The following RBFOX1 variants were observed in gnomAD, a reference collection of about 807,000 sequenced individuals.
RBFOX1 encodes the protein RNA binding fox-1 homolog 1.
RBFOX1 carries 8 observed loss-of-function variants against 57.7 expected under a neutral mutation model. The ratio of observed to expected loss-of-function variants is 0.14; its 90% CI spans 0.08 to 0.25. The LOEUF (loss-of-function observed/expected upper bound fraction) is 0.25, where lower values mean the gene tolerates loss of function less well. Ranked by LOEUF, RBFOX1 falls within the 10% of genes least tolerant of loss-of-function variation. RBFOX1 has a pLI of 1.00. For synonymous variants in RBFOX1, 326 were observed against 222.4 expected, an observed-to-expected ratio of 1.47 and a Z score of -4.15; for missense variants, 611 against 548.5, an observed-to-expected ratio of 1.11 and a Z score of -1.14.
At chr16:7,181,798 C>T (rs749747733) in intron 4 of RBFOX1, among the ~76,000 whole-genome samples, 2 of 152,046 alleles carry the variant, frequency 1.3e-5, no homozygotes, top group African/African-American at 2.4e-5. Context: ...TGAGCTCAAG[C>T]GATCTGCCCA....
chr16:7,690,547 G>T (rs2077094689), intron 14 of RBFOX1, among the ~76,000 whole-genome samples: 1 of 152,062 alleles, frequency 6.6e-6, no homozygotes, highest in Non-Finnish European at 1.5e-5. Flanking sequence ...TAAATTCACG[G>T]GTCTGTGTTG....
At chr16:5,253,979 C>G (rs1465281414) in intron 1 of RBFOX1, among the ~76,000 whole-genome samples, 1 of 133,224 alleles carries the variant, frequency 7.5e-6, no homozygotes, top group African/African-American at 2.9e-5. Flanking sequence ...AGGTACCTCT[C>G]TGTGGTAGAC....
chr16:6,774,910 G>T (rs568501569), intron 3 of RBFOX1, among the ~76,000 whole-genome samples: 1 of 152,158 alleles, frequency 6.6e-6, no homozygotes, highest in South Asian at 2.1e-4. Context: ...TAACCCCATT[G>T]AGTAGTGGCT....
chr16:7,470,720 A>T (rs1036029166), intron 4 of RBFOX1, among the ~76,000 whole-genome samples: 1 of 152,028 alleles, frequency 6.6e-6, no homozygotes, highest in African/African-American at 2.4e-5. Flanking sequence ...GGAAAGATGA[A>T]TATATCCAGA....
intron 4 of RBFOX1, among the ~76,000 whole-genome samples, chr16:7,078,803 C>T (rs1337793134): frequency 6.6e-6 from 1 of 150,498 alleles, no homozygotes; most frequent in African/African-American, 2.4e-5. Flanking sequence ...CTGCCTCATC[C>T]TCCCGAGTAG....
intron 2 of RBFOX1, among the ~76,000 whole-genome samples, chr16:5,567,590 G>A (rs2046115730): frequency 7.5e-6 from 1 of 133,606 alleles, no homozygotes; most frequent in Non-Finnish European, 1.5e-5. Context: ...GTGAATGGAG[G>A]AGAAGCCAGC....
At chr16:6,210,624 A>C (rs2097290121) in intron 1 of RBFOX1, among the ~76,000 whole-genome samples, 1 of 152,024 alleles carries the variant, frequency 6.6e-6, no homozygotes, top group Non-Finnish European at 1.5e-5. Context: ...TGGTAGGCTG[A>C]GCTGGGAGGA....
chr16:5,539,555 C>T (rs759901929), intron 2 of RBFOX1, among the ~76,000 whole-genome samples: 1 of 151,934 alleles, frequency 6.6e-6, no homozygotes, highest in Non-Finnish European at 1.5e-5. Flanking sequence ...GAGCCAAGAT[C>T]GTACCACTGC....
rs145254609 is a variant in RBFOX1, at chr16:7,567,232, T to C, written c.271-12545T>C. ...ATAAATATCCATATATATATCCCTATATATATATCCATATATCCCTATATA... is the reference window on the plus strand; with the variant it reads ...ATAAATATCCATATATATATCCCTACATATATATCCATATATCCCTATATA... On this transcript the variant is annotated intron_variant, in intron 5 of 15. Transcript: ENST00000550418. Among the ~76,000 whole-genome samples the C allele has an allele frequency of 4.8e-3, 322 of 67,040 alleles. 7 individuals are homozygous for C. The highest frequency in any genetic ancestry group is 0.018 in the African/African-American group (310 of 17,200). The allele number at this position is 67,040 out of a possible 152,430, so 44.0% of individuals were successfully genotyped here.
intron 4 of RBFOX1, among the ~76,000 whole-genome samples, chr16:7,255,260 G>A (rs568437389): frequency 3.2e-4 from 48 of 152,274 alleles, no homozygotes; most frequent in Admixed American, 1.3e-3. Context: ...ACCAAAAATT[G>A]CCTGACCTTA....
intron 3 of RBFOX1, among the ~76,000 whole-genome samples, chr16:6,919,605 A>T (rs1038284098): frequency 6.6e-6 from 1 of 152,126 alleles, no homozygotes; most frequent in Non-Finnish European, 1.5e-5. Context: ...AAACCCTGGT[A>T]TCTTCGAACA....
chr16:7,689,859 A>G (rs1297915018), intron 14 of RBFOX1, among the ~76,000 whole-genome samples: 1 of 152,110 alleles, frequency 6.6e-6, no homozygotes, highest in Non-Finnish European at 1.5e-5. Flanking sequence ...GATGAGGTTT[A>G]AAGTCAACTC....
chr16:5,682,455 A>G (rs1333135181), intron 3 of RBFOX1, among the ~76,000 whole-genome samples: 2 of 152,202 alleles, frequency 1.3e-5, no homozygotes, highest in African/African-American at 2.4e-5. Context: ...GCATCATACA[A>G]TTTGACAATC....
chr16:5,520,531 C>G (rs897843382), intron 2 of RBFOX1, among the ~76,000 whole-genome samples: 5 of 152,192 alleles, frequency 3.3e-5, no homozygotes, highest in Non-Finnish European at 5.9e-5. Context: ...ACAATTCTCT[C>G]CCTTCCTATA....
At chr16:6,177,418 A>G (rs889323916) in intron 1 of RBFOX1, among the ~76,000 whole-genome samples, 1 of 151,880 alleles carries the variant, frequency 6.6e-6, no homozygotes, top group East Asian at 1.9e-4. Flanking sequence ...TTATTTGACT[A>G]TTGGCTTATG....
intron 4 of RBFOX1, among the ~76,000 whole-genome samples, chr16:7,390,411 A>G (rs1187763613): frequency 1.3e-5 from 2 of 152,216 alleles, no homozygotes; most frequent in Admixed American, 1.3e-4. Flanking sequence ...CGATACTTGG[A>G]GTCAGAAGAC....
At chr16:6,265,803 T>C (rs1042041213) in intron 1 of RBFOX1, among the ~76,000 whole-genome samples, 2 of 152,142 alleles carry the variant, frequency 1.3e-5, no homozygotes, top group African/African-American at 4.8e-5. Flanking sequence ...TCAGAATCCC[T>C]CTGTCTCTCT....
At position 6,964,518 on chromosome 16, in the gene RBFOX1, T is replaced by C. The variant is rs192677206; in HGVS notation, c.-15-87539T>C. On this transcript the variant is annotated intron_variant, in intron 3 of 15. Transcript: ENST00000550418. Reference sequence around the variant, plus strand: ...ACAAATTGCACCTCTGGTAGGGGGTTTTGTTAAGGGTGAAGCTATGCCTGT... The same window carrying C: ...ACAAATTGCACCTCTGGTAGGGGGTCTTGTTAAGGGTGAAGCTATGCCTGT... Among the ~76,000 whole-genome samples, 19 of 152,274 alleles carry C rather than the reference T, an allele frequency of 1.2e-4. No homozygotes were observed. In the East Asian group the frequency reaches 3.5e-3, roughly 28 times the overall value.
intron 4 of RBFOX1, among the ~76,000 whole-genome samples, chr16:7,464,863 A>AT (rs1178318383): frequency 2.0e-5 from 3 of 150,804 alleles, no homozygotes; most frequent in Non-Finnish European, 4.4e-5. Context: ...CGCCTGGCTA[A>AT]TTTTTTTGTA....
Sources: gnomAD v4.1 joint callset for allele counts (sites outside exome capture counted in the v4.1 genomes callset) on GRCh38, gnomAD v4.1.1 for gene constraint, MANE v1.5 for transcripts, NCBI Gene and HGNC (gene_info 2026-07-23, HGNC 2026-07-21) for gene names.